Variants in HMBOX1 observed in about 807,000 individuals in gnomAD.
HMBOX1 encodes the protein homeobox-containing protein 1.
Under a neutral mutation model 54.5 loss-of-function variants are expected in HMBOX1, and 14 were observed. That is an observed-to-expected ratio of 0.26 (90% CI 0.17 to 0.40). The LOEUF is 0.40. Among genes scored for constraint, HMBOX1 ranks in the 10% least tolerant of loss-of-function variants. The probability of loss-of-function intolerance (pLI) is 1.00; values close to 1 mark genes in which losing one functional copy is unlikely to be tolerated. For missense variants in HMBOX1, 332 were observed against 514.4 expected (o/e 0.65, Z 3.43); for synonymous variants, 160 against 181.0 (o/e 0.88, Z 0.93).
intron 1 of HMBOX1, among the ~76,000 whole-genome samples, chr8:28,953,526 A>G (rs1180175169): frequency 6.6e-6 from 1 of 151,016 alleles, no homozygotes; most frequent in Non-Finnish European, 1.5e-5. Context: ...TTAAATAGTC[A>G]TTTTCATTTA....
intron 6 of HMBOX1, among the ~76,000 whole-genome samples, chr8:29,031,685 G>C (rs892236700): frequency 5.3e-5 from 8 of 152,066 alleles, no homozygotes; most frequent in African/African-American, 1.9e-4. Context: ...CTATCTAATA[G>C]GAGTACTTTG....
chr8:28,947,031 G>C (rs936595298), intron 1 of HMBOX1, among the ~76,000 whole-genome samples: 1 of 152,134 alleles, frequency 6.6e-6, no homozygotes, highest in Non-Finnish European at 1.5e-5. Context: ...ACATTATCTT[G>C]AGGAACATAA....
At chr8:28,939,289 A>G (rs1440776153) in intron 1 of HMBOX1, among the ~76,000 whole-genome samples, 2 of 140,794 alleles carry the variant, frequency 1.4e-5, no homozygotes, top group East Asian at 2.0e-4. Flanking sequence ...AACTCCGTCT[A>G]AAAAAAAAAA....
chr8:28,913,695 A>G (rs1815932546), intron 1 of HMBOX1, among the ~76,000 whole-genome samples: 1 of 152,094 alleles, frequency 6.6e-6, no homozygotes, highest in Non-Finnish European at 1.5e-5. Flanking sequence ...CTTGACTCAT[A>G]GTAAATGCTT....
intron 1 of HMBOX1, among the ~76,000 whole-genome samples, chr8:28,898,629 T>C (rs1812621954): frequency 6.6e-6 from 1 of 152,240 alleles, no homozygotes; most frequent in Non-Finnish European, 1.5e-5. Flanking sequence ...GTCTGCTTCA[T>C]CTCCCTTTCT....
intron 3 of HMBOX1, among the ~76,000 whole-genome samples, chr8:28,977,552 CAGTT>C (rs1490626884): frequency 1.3e-5 from 2 of 152,188 alleles, no homozygotes; most frequent in Non-Finnish European, 2.9e-5. Context: ...TTTTAGTCAG[CAGTT>C]ATTTTGTTTG....
intron 1 of HMBOX1, among the ~76,000 whole-genome samples, chr8:28,926,304 T>TATATATATATACACACAC (rs796953426): frequency 3.5e-5 from 5 of 142,138 alleles, no homozygotes; most frequent in South Asian, 2.3e-4. Context: ...TATATATATA[T>TATATATATATACACACAC]ACACACACAC....
rs773771751 is a variant in HMBOX1 at position 28,974,165 on chromosome 8, A to G, written c.500+3646A>G. 9.9e-4 allele frequency among the ~76,000 whole-genome samples: 151 copies of G among 152,164 alleles called. 1 individual carries two copies. The highest frequency in any genetic ancestry group is 1.9e-3 in the Non-Finnish European group (129 of 68,022). On this transcript the variant is annotated intron_variant, in intron 3 of 9. Transcript: ENST00000287701. ...TCATCAAGTTGTAATTGTACACCTT[A>G]TCGACTCATTAAGAAACAATGAAAA...
intron 3 of HMBOX1, among the ~76,000 whole-genome samples, chr8:28,976,709 C>CT (rs749880362): frequency 0.012 from 1,582 of 135,722 alleles, 27 homozygotes; most frequent in African/African-American, 0.033. Context: ...TCTTTTTTTT[C>CT]TTTTTTTTTT....
intron 1 of HMBOX1, among the ~76,000 whole-genome samples, chr8:28,897,135 G>A (rs1373941139): frequency 2.0e-5 from 3 of 151,850 alleles, no homozygotes; most frequent in African/African-American, 2.4e-5. Flanking sequence ...ATGGGCATGC[G>A]CCACCATGCC....
intron 1 of HMBOX1, among the ~76,000 whole-genome samples, chr8:28,903,073 A>G (rs986995235): frequency 2.6e-5 from 4 of 152,124 alleles, no homozygotes; most frequent in Non-Finnish European, 4.4e-5. Context: ...TAATATAACC[A>G]TTTACCCACC....
chr8:28,910,683 T>G (rs1815245595), intron 1 of HMBOX1, among the ~76,000 whole-genome samples: 1 of 152,220 alleles, frequency 6.6e-6, no homozygotes, highest in African/African-American at 2.4e-5. Flanking sequence ...TGATGAAATA[T>G]CTATTCAGGT....
At chr8:29,005,159 G>A (rs1833258485) in intron 4 of HMBOX1, among the ~76,000 whole-genome samples, 1 of 152,136 alleles carries the variant, frequency 6.6e-6, no homozygotes, top group Non-Finnish European at 1.5e-5. Flanking sequence ...ATTATGCATA[G>A]AGAAAATTGT....
intron 2 of HMBOX1, among the ~76,000 whole-genome samples, chr8:28,966,452 TG>T (rs1334051761): frequency 6.6e-6 from 1 of 152,216 alleles, no homozygotes; most frequent in Non-Finnish European, 1.5e-5. Flanking sequence ...CCTTATCCTC[TG>T]AACAATCCTT....
chr8:29,032,472 T>C (rs1354191363), intron 6 of HMBOX1, among the ~76,000 whole-genome samples: 1 of 151,552 alleles, frequency 6.6e-6, no homozygotes, highest in Admixed American at 6.6e-5. Context: ...TTTTGATCAA[T>C]TTTTTTTTCC....
At chr8:29,019,859 G>A (rs1445239541) in intron 6 of HMBOX1, among the ~76,000 whole-genome samples, 1 of 152,178 alleles carries the variant, frequency 6.6e-6, no homozygotes, top group Non-Finnish European at 1.5e-5. Flanking sequence ...AAGAGAGGGA[G>A]ATTTAAAATG....
At chr8:28,953,470 A>G (rs996533661) in intron 1 of HMBOX1, among the ~76,000 whole-genome samples, 1 of 152,182 alleles carries the variant, frequency 6.6e-6, no homozygotes, top group Non-Finnish European at 1.5e-5. Context: ...AAGATCCTAA[A>G]CATGACTTTA....
Position 28,969,306 on chromosome 8 carries a change from A to G in HMBOX1, c.24-737A>G, listed in dbSNP as rs115445841. Among the ~76,000 whole-genome samples the G allele has an allele frequency of 3.2e-3, 494 of 152,374 alleles. 7 individuals carry two copies. The highest frequency in any genetic ancestry group is 0.011 in the African/African-American group (461 of 41,596). ...TGTGCTGTAGTATCTTGTGCTAGTT[A>G]AAGGAAACATGTAAAAGTAATTTCC... On this transcript the variant is annotated intron_variant, in intron 2 of 9. Coordinates refer to ENST00000287701, the MANE Select transcript of HMBOX1 (RefSeq NM_001135726.3).
intron 6 of HMBOX1, among the ~76,000 whole-genome samples, chr8:29,022,331 T>C (rs1192341769): frequency 6.6e-6 from 1 of 152,114 alleles, no homozygotes; most frequent in African/African-American, 2.4e-5. Context: ...GGCAGGAGGA[T>C]TGCTTGAGCC....
Sources: gnomAD v4.1 joint callset for allele counts (sites outside exome capture counted in the v4.1 genomes callset) on GRCh38, gnomAD v4.1.1 for gene constraint, MANE v1.5 for transcripts, NCBI Gene and HGNC (gene_info 2026-07-23, HGNC 2026-07-21) for gene names.